The following TMEM59 variants were observed in gnomAD, a reference collection of about 807,000 sequenced individuals.
TMEM59 encodes the protein transmembrane protein 59, also known as dendritic cell factor 1.
Under a neutral mutation model 42.2 loss-of-function variants are expected in TMEM59, and 44 were observed. The ratio of observed to expected loss-of-function variants is 1.04; its 90% CI spans 0.82 to 1.34. TMEM59 has a LOEUF of 1.34. TMEM59 is among the 40% of genes most tolerant of loss of function. The pLI is 0.00. For synonymous variants in TMEM59, 148 were observed against 145.8 expected, an observed-to-expected ratio of 1.02 and a Z score of -0.11; for missense variants, 359 against 382.8, an observed-to-expected ratio of 0.94 and a Z score of 0.52.
At chr1:54,040,102 A>G (rs1347291606) in intron 6 of TMEM59, among the ~76,000 whole-genome samples, 1 of 152,170 alleles carries the variant, frequency 6.6e-6, no homozygotes. Flanking sequence ...GGCCATGCAG[A>G]TAAAAACAAA....
chr1:54,041,634 C>T, intron 5 of TMEM59, 90 bp downstream of exon 5: 1 of 984,894 alleles, frequency 1.0e-6, no homozygotes, highest in Non-Finnish European at 1.6e-6. Context: ...TGTTTATGTT[C>T]CATCAGTGTA....
chr1:54,053,350 C>CCTCA, upstream of TMEM59: 1 of 774,958 alleles, frequency 1.3e-6, no homozygotes, highest in Non-Finnish European at 2.0e-6. Context: ...CCGCCTCCTG[C>CCTCA]CTCACCTCTG....
intron 7 of TMEM59, among the ~76,000 whole-genome samples, chr1:54,035,497 C>T (rs1656913035): frequency 6.6e-6 from 1 of 152,254 alleles, no homozygotes; most frequent in Middle Eastern, 3.4e-3. Flanking sequence ...TTTACCTTAA[C>T]AGTTATATTT....
At chr1:54,053,431 CG>C (rs1311310580), upstream of TMEM59, 2 of 535,334 alleles carry the variant, frequency 3.7e-6, no homozygotes, top group Admixed American at 6.7e-5. Context: ...TAGCGCGAAG[CG>C]GGGCCTCCTG....
At chr1:54,033,130 CTT>C (rs929905487) in intron 7 of TMEM59, 6 of 136,592 alleles carry the variant, frequency 4.4e-5, no homozygotes, top group Non-Finnish European at 6.3e-5. Flanking sequence ...TTTTTTCTTT[CTT>C]TTTTTTTTTT....
At position 54,027,646 on chromosome 1, in the gene TMEM59, G is replaced by A. The variant is rs1055036995; in HGVS notation, c.*4504C>T. ...TAGCCAAGCATGGTGGCACGCGCCT[G>A]TAGTACCAGCTACTTGGGAGGCTGA... is the stretch of plus-strand genomic sequence containing the variant. On this transcript the variant is annotated 3_prime_UTR_variant, in exon 8 of 8. Coordinates refer to ENST00000234831, the MANE Select transcript of TMEM59 (RefSeq NM_004872.5). 3 of 152,118 alleles carry A rather than the reference G, an allele frequency of 2.0e-5. No homozygotes were observed. Among genetic ancestry groups the A allele is most frequent in the African/African-American group, 7.2e-5 (3 of 41,406 alleles). The allele number at this position is 152,118 out of a possible 1,614,324, so 9.4% of individuals were successfully genotyped here.
chr1:54,051,359 T>C (rs1269347659), intron 1 of TMEM59, among the ~76,000 whole-genome samples: 2 of 152,174 alleles, frequency 1.3e-5, no homozygotes, highest in Admixed American at 6.5e-5. Flanking sequence ...CTCCCATCAC[T>C]CTGGCTAACA....
In TMEM59 at chr1:54,027,335, G is replaced by A. The variant is rs1381425049; in HGVS notation, c.*4815C>T. 4 of 152,084 alleles carry A rather than the reference G, an allele frequency of 2.6e-5. No homozygotes were observed. The highest frequency in any genetic ancestry group is 4.4e-5 in the Non-Finnish European group (3 of 68,028). 9.4% of individuals were successfully genotyped at this position (152,084 alleles called of 1,614,324 possible). A position where few individuals can be genotyped will look rare whatever the true frequency, so the allele number is the denominator to read the frequency against. On this transcript the variant is annotated 3_prime_UTR_variant, in exon 8 of 8. Transcript: ENST00000234831. ...TTTTAACATGATCAGTTTCCTTTGC[G>A]ATCCTTTATATTTAGTTTTATGCTT...
intron 6 of TMEM59, 166 bp from the exon 7 acceptor site, chr1:54,036,884 A>G: frequency 2.4e-6 from 1 of 414,978 alleles, no homozygotes; most frequent in East Asian, 3.9e-5. Context: ...TTATACTAAT[A>G]GCTATTACAT....
intron 7 of TMEM59, chr1:54,034,654 G>A (rs1478631034): frequency 6.6e-6 from 1 of 152,194 alleles, no homozygotes; most frequent in Middle Eastern, 3.1e-3. Flanking sequence ...TGCGCTTGTA[G>A]TCCCAGCCAC....
rs1159753031 is a variant in TMEM59, at chr1:54,030,085, CGAAGA to C, written c.*2060_*2064del. 4.0e-5 allele frequency: 6 copies of C among 149,586 alleles called. No homozygotes were observed. Among genetic ancestry groups the C allele is most frequent in the African/African-American group, 9.9e-5 (4 of 40,396 alleles). 9.3% of individuals were successfully genotyped at this position (149,586 alleles called of 1,614,324 possible). ...TCTCAGGCACTTCTCATTCAGGAAGCGAAGAGAAATGAAACCAAGGGAAGGTGGAG... is the reference window on the plus strand; with the variant it reads ...TCTCAGGCACTTCTCATTCAGGAAGCGAAATGAAACCAAGGGAAGGTGGAG... On this transcript the variant is annotated 3_prime_UTR_variant, in exon 8 of 8. Transcript: ENST00000234831.
chr1:54,039,196 T>C (rs942195253), intron 6 of TMEM59, among the ~76,000 whole-genome samples: 1 of 152,212 alleles, frequency 6.6e-6, no homozygotes, highest in African/African-American at 2.4e-5. Flanking sequence ...AATTTATGTT[T>C]GGGCACAGAA....
At chr1:54,047,243 G>T in intron 2 of TMEM59, 24 bp downstream of exon 2, 2 of 1,566,030 alleles carry the variant, frequency 1.3e-6, no homozygotes, top group Non-Finnish European at 1.8e-6. Flanking sequence ...ACATACAGCT[G>T]ATGTCGTTAG....
At chr1:54,036,292 A>C (rs1656948201) in intron 7 of TMEM59, among the ~76,000 whole-genome samples, 1 of 152,024 alleles carries the variant, frequency 6.6e-6, no homozygotes, top group Non-Finnish European at 1.5e-5. Flanking sequence ...AAAAAAAAAA[A>C]AGTCTTCTTT....
chr1:54,050,061 T>C (rs546280259), intron 1 of TMEM59, among the ~76,000 whole-genome samples: 1 of 152,278 alleles, frequency 6.6e-6, no homozygotes, highest in Admixed American at 6.5e-5. Flanking sequence ...AATAACTATT[T>C]ACAAACAGGT....
At chr1:54,050,480 A>C (rs570668609) in intron 1 of TMEM59, among the ~76,000 whole-genome samples, 1 of 151,522 alleles carries the variant, frequency 6.6e-6, no homozygotes, top group Non-Finnish European at 1.5e-5. Flanking sequence ...AATTCATCTA[A>C]TTTCTTACAA....
At position 54,040,745 on chromosome 1, in the gene TMEM59, G is replaced by C. The variant is rs760434485; in HGVS notation, c.707+11C>G. 2 of 1,599,758 alleles carry C rather than the reference G, an allele frequency of 1.3e-6. No individual in the cohort carries two copies. Among genetic ancestry groups the C allele is most frequent in the Non-Finnish European group, 1.7e-6 (2 of 1,167,246 alleles). On this transcript the variant is annotated intron_variant, in intron 6 of 7. Coordinates refer to ENST00000234831, the MANE Select transcript of TMEM59 (RefSeq NM_004872.5). ...TTATCTGTTATACACATAATAAAGA[G>C]GAATACATACAGAGAGAGGCATCTT...
intron 1 of TMEM59, chr1:54,048,031 G>C (rs1345642972): frequency 3.3e-5 from 5 of 152,356 alleles, no homozygotes; most frequent in African/African-American, 1.2e-4. Context: ...AGCGATAGGA[G>C]TAAGCAAGTA....
intron 6 of TMEM59, among the ~76,000 whole-genome samples, chr1:54,038,864 A>G (rs1453009278): frequency 1.3e-5 from 2 of 152,150 alleles, no homozygotes; most frequent in Admixed American, 1.3e-4. Context: ...AAATAATAAA[A>G]TTTGAGACAG....
Sources: gnomAD v4.1 joint callset for allele counts (sites outside exome capture counted in the v4.1 genomes callset) on GRCh38, gnomAD v4.1.1 for gene constraint, MANE v1.5 for transcripts, NCBI Gene and HGNC (gene_info 2026-07-23, HGNC 2026-07-21) for gene names.